Variants in COL20A1 observed in about 807,000 individuals in gnomAD.
The protein encoded by COL20A1 is collagen type XX alpha 1 chain, also known as collagen alpha-1(XX) chain.
COL20A1 carries 164 observed loss-of-function variants against 152.9 expected under a neutral mutation model. That is an observed-to-expected ratio of 1.07 (90% CI 0.94 to 1.22). The LOEUF (loss-of-function observed/expected upper bound fraction) is 1.22. COL20A1 is among the 50% of genes most tolerant of loss of function. The pLI is 0.00. For missense variants in COL20A1, 1,873 were observed against 1,744.8 expected (o/e 1.07, Z -1.31); for synonymous variants, 864 against 756.0 (o/e 1.14, Z -2.34).
At position 63,305,957 on chromosome 20, in the gene COL20A1, C is replaced by A. The variant is rs762378153; in HGVS notation, c.414C>A (p.Pro138=). 1.2e-5 allele frequency: 19 copies of A among 1,612,672 alleles called. No homozygotes were observed. The highest frequency in any genetic ancestry group is 1.5e-5 in the Non-Finnish European group (18 of 1,179,794). ...PLGSGAPEPT[P]SHTGSPDPEQ... ...GCTCTGGAGCCCCGGAGCCCACCCC[C>A]TCCCACACGGGGAGCCCAGACCCTG... Residue 138 remains proline (P), a synonymous_variant, in exon 5 of 36, where the codon CCC becomes CCA. Coordinates refer to ENST00000358894, the MANE Select transcript of COL20A1 (RefSeq NM_020882.4). The surrounding 1 kb of genome is among the most constrained non-coding windows in gnomAD (Gnocchi z 4.9).
At position 63,310,400 on chromosome 20, in the gene COL20A1, C is replaced by T. The variant is rs1353807099; in HGVS notation, c.1283C>T (p.Ala428Val). The T allele has an allele frequency of 1.9e-6, 3 of 1,610,866 alleles. No homozygotes were observed. The highest frequency in any genetic ancestry group is 2.5e-6 in the Non-Finnish European group (3 of 1,179,204). ...TPREVVVEGP[A>V]ASTELHNLAS... is the part of the protein sequence containing the mutation. ...TTCCAGGTGGTGGTGGAGGGACCCG[C>T]CGCCTCCACGGAGCTGCACAACCTG... The change falls in exon 11 of 36, where the codon GCC becomes GTC. Residue 428 changes from alanine to valine, a missense_variant. Transcript: ENST00000358894.
chr20:63,330,318 T>C (rs1601448404), intron 35 of COL20A1, among the ~76,000 whole-genome samples: 1 of 152,090 alleles, frequency 6.6e-6, no homozygotes, highest in East Asian at 1.9e-4. Context: ...GTGTGTGACC[T>C]GGGGCCCATG....
intron 2 of COL20A1, among the ~76,000 whole-genome samples, chr20:63,297,185 C>T (rs1221433084): frequency 6.6e-6 from 1 of 152,232 alleles, no homozygotes; most frequent in Non-Finnish European, 1.5e-5. Flanking sequence ...TGGCAGTGAC[C>T]TTGGCAGCTA....
intron 30 of COL20A1, 146 bp from the exon 31 acceptor site, chr20:63,326,606 G>C (rs2123434566): frequency 5.5e-6 from 3 of 548,096 alleles, no homozygotes; most frequent in Middle Eastern, 4.5e-4. Context: ...CCTGCCGGAG[G>C]AATGGCCTGA....
intron 20 of COL20A1, 34 bp from the exon 21 acceptor site, chr20:63,316,519 C>A: frequency 6.4e-7 from 1 of 1,555,180 alleles, no homozygotes; most frequent in Non-Finnish European, 8.7e-7. Context: ...CTCTGAGGGT[C>A]CCTCGGTGCC....
At chr20:63,294,759 C>T (rs999014403) in intron 1 of COL20A1, among the ~76,000 whole-genome samples, 2 of 152,196 alleles carry the variant, frequency 1.3e-5, no homozygotes, top group East Asian at 1.9e-4. Flanking sequence ...CAGGAGGCCC[C>T]GTGCCCGTCC....
intron 34 of COL20A1, among the ~76,000 whole-genome samples, chr20:63,328,922 G>A (rs1284427278): frequency 6.7e-6 from 1 of 149,454 alleles, no homozygotes; most frequent in Admixed American, 6.8e-5. Context: ...GCAGGCTCCC[G>A]TGACCTTGTT....
chr20:63,321,872 G>C (rs1884820), intron 26 of COL20A1, among the ~76,000 whole-genome samples, 186 bp from the exon 27 acceptor site: 135,767 of 152,132 alleles, frequency 0.89, 62,517 homozygotes, highest in East Asian at 1. Flanking sequence ...CTATGAGAGG[G>C]AAGGATGGGC....
In COL20A1 at chr20:63,320,340, A is replaced by G. The variant is rs762434697; in HGVS notation, c.3125A>G (p.Glu1042Gly). 6.2e-7 allele frequency: 1 copy of G among 1,611,314 alleles called. No homozygotes were observed. The highest frequency in any genetic ancestry group is 1.1e-5 in the South Asian group (1 of 91,076). ...QIVCSDTWAD[E>G]DRCCELPASR... Reference sequence around the variant, plus strand: ...GTGTGCAGTGACACCTGGGCCGATGAGGACCGGTGCTGTGAGCTCCCTGCC... The same window carrying G: ...GTGTGCAGTGACACCTGGGCCGATGGGGACCGGTGCTGTGAGCTCCCTGCC... The change falls in exon 25 of 36, where the codon GAG becomes GGG. Residue 1042 changes from glutamate (E) to glycine (G), a missense_variant. Coordinates refer to ENST00000358894, the MANE Select transcript of COL20A1 (RefSeq NM_020882.4).
Position 63,319,225 on chromosome 20 carries a change from C to T in COL20A1, c.2806+25C>T, listed in dbSNP as rs2068125121. On this transcript the variant is annotated intron_variant, in intron 22 of 35. Coordinates refer to ENST00000358894, the MANE Select transcript of COL20A1 (RefSeq NM_020882.4). This position sits in a 1 kb window ranked among gnomAD's most constrained non-coding sequence, Gnocchi z 4.4. Reference sequence around the variant, plus strand: ...GGTGACGTGGGCCCCGCGTCGCCCCCAGCAGTCAGGAGGAGTAGGGGCAGG... The same window carrying T: ...GGTGACGTGGGCCCCGCGTCGCCCCTAGCAGTCAGGAGGAGTAGGGGCAGG... 1 of 1,606,152 alleles carries T rather than the reference C, an allele frequency of 6.2e-7. No individual in the cohort carries two copies. The highest frequency in any genetic ancestry group is 2.2e-5 in the East Asian group (1 of 44,586).
At chr20:63,310,289 T>C in intron 10 of COL20A1, 92 bp from the exon 11 acceptor site, 2 of 1,401,198 alleles carry the variant, frequency 1.4e-6, no homozygotes, top group South Asian at 2.5e-5. Flanking sequence ...GGGCCCCAGC[T>C]GAGCTCACAC....
Position 63,306,015 on chromosome 20 carries a change from C to G in COL20A1, c.472C>G (p.Pro158Ala), listed in dbSNP as rs758442721. 9.3e-6 allele frequency: 15 copies of G among 1,612,270 alleles called. No homozygotes were observed. The highest frequency in any genetic ancestry group is 1.2e-5 in the Non-Finnish European group (14 of 1,179,568). Reference protein sequence around the residue: ...QASEPQVAFTPSQDPRTPAGP... With the variant: ...QASEPQVAFTASQDPRTPAGP... Reference sequence around the variant, plus strand: ...TTCTGAGCCCCAAGTTGCCTTCACACCAAGCCAGGATCCGCGCACTCCTGG... The same window carrying G: ...TTCTGAGCCCCAAGTTGCCTTCACAGCAAGCCAGGATCCGCGCACTCCTGG... Residue 158 changes from proline (P) to alanine (A), a missense_variant, in exon 5 of 36, where the codon CCA (proline) becomes GCA (alanine). Transcript: ENST00000358894. This position sits in a 1 kb window ranked among gnomAD's most constrained non-coding sequence, Gnocchi z 6.9.
chr20:63,307,721 A>G, intron 6 of COL20A1, 73 bp downstream of exon 6: 2 of 1,516,440 alleles, frequency 1.3e-6, no homozygotes, highest in South Asian at 1.2e-5. Flanking sequence ...GGAGGCTGTG[A>G]CCTGTGGGGG....
chr20:63,307,476 T>A lies in COL20A1; in HGVS notation c.497-14T>A. 2 of 1,608,062 alleles carry A rather than the reference T, an allele frequency of 1.2e-6. No homozygotes were observed. The highest frequency in any genetic ancestry group is 2.2e-5 in the South Asian group (2 of 90,842). Reference sequence around the variant, plus strand: ...GGGCCTCACCTAGCACCTGACCCGCTCCCACCGCCCCAGCCGGCCCCCAGT... The same window carrying A: ...GGGCCTCACCTAGCACCTGACCCGCACCCACCGCCCCAGCCGGCCCCCAGT... On this transcript the variant is annotated splice_polypyrimidine_tract_variant and intron_variant, in intron 5 of 35. Coordinates refer to ENST00000358894, the MANE Select transcript of COL20A1 (RefSeq NM_020882.4).
intron 3 of COL20A1, among the ~76,000 whole-genome samples, chr20:63,299,853 GTA>G (rs916509947): frequency 2.0e-5 from 3 of 150,954 alleles, no homozygotes; most frequent in African/African-American, 4.9e-5. Flanking sequence ...ACGTGTGTGT[GTA>G]TACATATATA....
rs774616690 is a variant in COL20A1, at chr20:63,305,849, C to T, written c.338-32C>T. 2 of 1,610,864 alleles carry T rather than the reference C, an allele frequency of 1.2e-6. No homozygotes were observed. Among genetic ancestry groups the T allele is most frequent in the South Asian group, 2.2e-5 (2 of 91,028 alleles). ...CCCCAGTGGACCAGGCCCTCCACTC[C>T]CACCCTGATGGCTCTTTGTGTCTCC... On this transcript the variant is annotated intron_variant, in intron 4 of 35. Coordinates refer to ENST00000358894, the MANE Select transcript of COL20A1 (RefSeq NM_020882.4). The surrounding 1 kb of genome is among the most constrained non-coding windows in gnomAD (Gnocchi z 4.9).
At chr20:63,314,051 A>G (rs2068052843) in intron 18 of COL20A1, 21 bp from the exon 19 acceptor site, 1 of 1,612,490 alleles carries the variant, frequency 6.2e-7, no homozygotes, top group Non-Finnish European at 8.5e-7. Flanking sequence ...AGTGGGGACC[A>G]GGCACCCTCC....
intron 3 of COL20A1, among the ~76,000 whole-genome samples, chr20:63,299,641 T>C (rs2067841323): frequency 6.6e-6 from 1 of 152,168 alleles, no homozygotes; most frequent in Non-Finnish European, 1.5e-5. Context: ...CTTTTCCAGA[T>C]AGATGGACCT....
Position 63,319,641 on chromosome 20 carries a change from G to C in COL20A1, c.2916+45G>C, listed in dbSNP as rs577555646. 1 of 1,408,800 alleles carries C rather than the reference G, an allele frequency of 7.1e-7. No homozygotes were observed. The highest frequency in any genetic ancestry group is 1.4e-5 in the African/African-American group (1 of 70,464). The allele number at this position is 1,408,800 out of a possible 1,614,324, so 87.3% of individuals were successfully genotyped here. On this transcript the variant is annotated intron_variant, in intron 23 of 35. Transcript: ENST00000358894. This position sits in a 1 kb window ranked among gnomAD's most constrained non-coding sequence, Gnocchi z 4.4. The stretch of plus-strand genomic sequence containing the variant: ...CCCTCTCCCCCGTTCCCCCAGCTCT[G>C]GGGCAGCCCAGCCCCACAGGGACCT...
Sources: allele counts gnomAD v4.1 joint callset (sites outside exome capture counted in the v4.1 genomes callset), GRCh38; gene constraint gnomAD v4.1.1; non-coding constraint Gnocchi (gnomAD v3.1); transcripts MANE v1.5; gene names NCBI Gene and HGNC (gene_info 2026-07-23, HGNC 2026-07-21).